The following MRPL1 variants were observed in gnomAD, a reference collection of about 807,000 sequenced individuals.
The protein encoded by MRPL1 is mitochondrial ribosomal protein L1, also known as large ribosomal subunit protein uL1m.
A neutral mutation model predicts 38.0 loss-of-function variants in MRPL1; 28 were observed. The ratio of observed to expected loss-of-function variants is 0.74; its 90% CI spans 0.55 to 1.01. The LOEUF is 1.01. Among genes scored for constraint, MRPL1 ranks in the 50% least tolerant of loss-of-function variants. The pLI, the probability that MRPL1 is intolerant of heterozygous loss-of-function variation, is 0.00. For missense variants in MRPL1, 358 were observed against 389.8 expected (o/e 0.92, Z 0.69); for synonymous variants, 123 against 126.7 (o/e 0.97, Z 0.20).
intron 7 of MRPL1, among the ~76,000 whole-genome samples, chr4:77,924,731 A>G (rs1260268295): frequency 6.6e-6 from 1 of 152,164 alleles, no homozygotes; most frequent in Non-Finnish European, 1.5e-5. Context: ...TATTCATTTT[A>G]CTTTGTACAT....
chr4:77,948,943 G>T (rs559855231), intron 7 of MRPL1, among the ~76,000 whole-genome samples: 1 of 152,144 alleles, frequency 6.6e-6, no homozygotes, highest in Admixed American at 6.5e-5. Flanking sequence ...GCTAATTTTT[G>T]TATTTTTAGT....
chr4:77,928,772 A>G (rs569571431), intron 7 of MRPL1, among the ~76,000 whole-genome samples: 1 of 152,220 alleles, frequency 6.6e-6, no homozygotes, highest in South Asian at 2.1e-4. Context: ...CATCATTTGA[A>G]TTATTTTTGA....
At chr4:77,878,102 C>T (rs993604668) in intron 2 of MRPL1, among the ~76,000 whole-genome samples, 20 of 152,130 alleles carry the variant, frequency 1.3e-4, no homozygotes, top group African/African-American at 4.6e-4. Context: ...GCCTTTCTCT[C>T]GTGCTCTGGC....
chr4:77,862,955 T>G, intron 1 of MRPL1, 76 bp downstream of exon 1: 1 of 1,571,090 alleles, frequency 6.4e-7, no homozygotes, highest in Non-Finnish European at 8.8e-7. Flanking sequence ...GCAAGGCGGA[T>G]TCTGCTCTGG....
At chr4:77,934,713 C>T (rs371168000) in intron 7 of MRPL1, among the ~76,000 whole-genome samples, 1 of 152,164 alleles carries the variant, frequency 6.6e-6, no homozygotes, top group South Asian at 2.1e-4. Flanking sequence ...AAAGCAGGGA[C>T]TTGAACAGAT....
intron 7 of MRPL1, among the ~76,000 whole-genome samples, chr4:77,943,714 C>T (rs531508032): frequency 1.9e-4 from 29 of 151,952 alleles, no homozygotes; most frequent in Non-Finnish European, 3.8e-4. Flanking sequence ...TCCTTCATTT[C>T]CGGAAGTTTT....
intron 2 of MRPL1, among the ~76,000 whole-genome samples, chr4:77,881,730 C>A (rs999853472): frequency 6.6e-6 from 1 of 152,156 alleles, no homozygotes; most frequent in Non-Finnish European, 1.5e-5. Flanking sequence ...CGTGAGCCCT[C>A]GTGCTTGGCC....
At chr4:77,884,201 C>T (rs954946999) in intron 3 of MRPL1, among the ~76,000 whole-genome samples, 3 of 148,960 alleles carry the variant, frequency 2.0e-5, no homozygotes, top group East Asian at 2.0e-4. Flanking sequence ...CTTGGGGTCG[C>T]ACCACTGCAC....
chr4:77,871,945 C>A, intron 2 of MRPL1, 90 bp downstream of exon 2: 1 of 820,286 alleles, frequency 1.2e-6, no homozygotes, highest in Non-Finnish European at 2.0e-6. Context: ...TTTACCAGGA[C>A]ATATAGTTGT....
rs918909629 is a variant in MRPL1, at chr4:77,938,920, A to C, written c.778-10877A>C. The stretch of plus-strand genomic sequence containing the variant: ...CTCATGGTCCCCTGATCCACCTTTT[A>C]TTTTTTTATTTCAATCAGTTTTTGG... On this transcript the variant is annotated intron_variant, in intron 7 of 8. Transcript: ENST00000315567. 2.6e-5 allele frequency among the ~76,000 whole-genome samples: 4 copies of C among 152,020 alleles called. No individual in the cohort carries two copies. The East Asian group carries it at 7.7e-4, about 29-fold the overall frequency.
intron 2 of MRPL1, among the ~76,000 whole-genome samples, chr4:77,872,163 G>A (rs1735295736): frequency 6.6e-6 from 1 of 152,110 alleles, no homozygotes; most frequent in South Asian, 2.1e-4. Context: ...AGGTCAGAGA[G>A]CTACTAAATT....
chr4:77,887,478 A>C (rs1735707516), intron 5 of MRPL1, among the ~76,000 whole-genome samples, 187 bp downstream of exon 5: 1 of 152,122 alleles, frequency 6.6e-6, no homozygotes, highest in African/African-American at 2.4e-5. Context: ...AAAACTATCC[A>C]GACAGTCTGA....
intron 2 of MRPL1, among the ~76,000 whole-genome samples, chr4:77,877,517 G>A (rs1280136184): frequency 2.7e-5 from 4 of 148,448 alleles, no homozygotes; most frequent in Non-Finnish European, 5.9e-5. Flanking sequence ...ATGGGGTGGG[G>A]TGGGGTGGGT....
intron 7 of MRPL1, among the ~76,000 whole-genome samples, chr4:77,920,119 T>A (rs1297311146): frequency 6.6e-6 from 1 of 152,172 alleles, no homozygotes; most frequent in Admixed American, 6.5e-5. Flanking sequence ...TTTTTAAGAA[T>A]AATTTTGGTG....
At chr4:77,907,878 CTTTCT>C (rs1179247968) in intron 6 of MRPL1, among the ~76,000 whole-genome samples, 10 of 149,920 alleles carry the variant, frequency 6.7e-5, no homozygotes, top group Admixed American at 1.3e-4. Context: ...ATGCCAGTTT[CTTTCT>C]TTTCTTTTCT....
chr4:77,903,032 G>A (rs1736069846), intron 6 of MRPL1, among the ~76,000 whole-genome samples: 5 of 152,098 alleles, frequency 3.3e-5, no homozygotes, highest in Admixed American at 1.3e-4. Flanking sequence ...GATAACAAAG[G>A]TAGACAAGGA....
chr4:77,877,910 TG>T (rs1371595804), intron 2 of MRPL1, among the ~76,000 whole-genome samples: 8 of 144,460 alleles, frequency 5.5e-5, no homozygotes, highest in Non-Finnish European at 1.2e-4. Flanking sequence ...GGCTGGGGGG[TG>T]GGGGGACGGC....
At chr4:77,874,699 G>A (rs1405409893) in intron 2 of MRPL1, among the ~76,000 whole-genome samples, 1 of 151,458 alleles carries the variant, frequency 6.6e-6, no homozygotes, top group East Asian at 1.9e-4. Context: ...GTAATAAATA[G>A]CATTATTATA....
intron 7 of MRPL1, among the ~76,000 whole-genome samples, chr4:77,913,534 C>T (rs1578052105): frequency 6.6e-6 from 1 of 152,160 alleles, no homozygotes; most frequent in African/African-American, 2.4e-5. Context: ...AGCACTCTTA[C>T]AGCGTTTGTG....
Sources: allele counts gnomAD v4.1 joint callset (sites outside exome capture counted in the v4.1 genomes callset), GRCh38; gene constraint gnomAD v4.1.1; transcripts MANE v1.5; gene names NCBI Gene and HGNC (gene_info 2026-07-23, HGNC 2026-07-21).